LDLRAD4: variants seen among roughly 807,000 people sequenced by gnomAD.
LDLRAD4 encodes the protein low density lipoprotein receptor class A domain containing 4.
LDLRAD4 carries 5 observed loss-of-function variants against 17.0 expected under a neutral mutation model. The observed-to-expected ratio is 0.29, with a 90% CI of 0.15 to 0.62. The LOEUF is 0.62. LDLRAD4 is among the 20% of genes least tolerant of loss of function. The pLI is 0.84. For missense variants in LDLRAD4, 340 were observed against 424.7 expected (o/e 0.80, Z 1.75); for synonymous variants, 168 against 171.8 (o/e 0.98, Z 0.17).
intron 3 of LDLRAD4, among the ~76,000 whole-genome samples, chr18:13,579,453 C>T (rs2094825312): frequency 6.6e-6 from 1 of 152,206 alleles, no homozygotes; most frequent in Non-Finnish European, 1.5e-5. Flanking sequence ...TGAGCCAAAG[C>T]TCTCCAGTCT....
chr18:13,428,558 A>G (rs1600200248), intron 2 of LDLRAD4, among the ~76,000 whole-genome samples: 1 of 152,208 alleles, frequency 6.6e-6, no homozygotes, highest in African/African-American at 2.4e-5. Context: ...CAGCAGGAAC[A>G]TCCTGACTGC....
chr18:13,342,488 T>A (rs1479030873), intron 1 of LDLRAD4, among the ~76,000 whole-genome samples: 9 of 146,602 alleles, frequency 6.1e-5, no homozygotes, highest in African/African-American at 2.0e-4. Flanking sequence ...TTTTTTTTTT[T>A]TTTTTTTTTT....
At chr18:13,392,030 C>A (rs1406903424) in intron 2 of LDLRAD4, among the ~76,000 whole-genome samples, 4 of 152,180 alleles carry the variant, frequency 2.6e-5, no homozygotes, top group Non-Finnish European at 5.9e-5. Context: ...TTGATTATTT[C>A]CTTAGGATAA....
intron 1 of LDLRAD4, among the ~76,000 whole-genome samples, chr18:13,377,927 A>G (rs533486890): frequency 2.0e-5 from 3 of 152,344 alleles, no homozygotes; most frequent in African/African-American, 7.2e-5. Flanking sequence ...GAAAAATTAT[A>G]TAAAGTGGAC....
rs575913797 is a variant in LDLRAD4, at chr18:13,340,808, C to G, written c.-382-46533C>G. Among the ~76,000 whole-genome samples the G allele has an allele frequency of 2.6e-5, 4 of 152,122 alleles. No individual in the cohort carries two copies. The South Asian group carries it at 6.2e-4, about 24-fold the overall frequency. ...CATATCAAAGAAATTGTTGCCATAT[C>G]CAATGTCATAAAGCTTTTCCCCTTT... On this transcript the variant is annotated intron_variant, in intron 1 of 5. Coordinates refer to ENST00000359446, the Ensembl canonical transcript of LDLRAD4.
chr18:13,377,117 C>T (rs2084970728), intron 1 of LDLRAD4, among the ~76,000 whole-genome samples: 1 of 152,194 alleles, frequency 6.6e-6, no homozygotes, highest in Admixed American at 6.5e-5. Context: ...TGTGCCGGGC[C>T]CCGCAGGTGG....
chr18:13,443,989 A>G (rs1415548250), intron 3 of LDLRAD4, among the ~76,000 whole-genome samples: 1 of 152,230 alleles, frequency 6.6e-6, no homozygotes, highest in African/African-American at 2.4e-5. Flanking sequence ...ACCGTCAGGC[A>G]TTTGGGGTTG....
intron 1 of LDLRAD4, among the ~76,000 whole-genome samples, chr18:13,337,307 G>C (rs2082149022): frequency 6.6e-6 from 1 of 152,132 alleles, no homozygotes; most frequent in Non-Finnish European, 1.5e-5. Context: ...GATGGTGCTT[G>C]GGATCTTTCA....
intron 1 of LDLRAD4, among the ~76,000 whole-genome samples, chr18:13,355,975 G>A (rs763307134): frequency 3.9e-5 from 6 of 152,208 alleles, no homozygotes; most frequent in African/African-American, 1.4e-4. Flanking sequence ...GCCTGAGATC[G>A]CAATCCAGTT....
At chr18:13,246,611 C>CGGTATTGGA (rs1598880110) in intron 1 of LDLRAD4, among the ~76,000 whole-genome samples, 1 of 152,276 alleles carries the variant, frequency 6.6e-6, no homozygotes, top group East Asian at 1.9e-4. Flanking sequence ...TGGCTGCAGT[C>CGGTATTGGA]GGTATTGGAG....
At chr18:13,639,376 T>C (rs1202726254) in intron 4 of LDLRAD4, among the ~76,000 whole-genome samples, 1 of 152,234 alleles carries the variant, frequency 6.6e-6, no homozygotes, top group Admixed American at 6.5e-5. Flanking sequence ...ACAAGCCCCT[T>C]GGAGGACACC....
intron 4 of LDLRAD4, 32 bp from the exon 6 acceptor site, chr18:13,643,326 TC>T: frequency 8.5e-6 from 12 of 1,408,016 alleles, no homozygotes; most frequent in South Asian, 2.7e-5. Context: ...TGTTTCTTGT[TC>T]CCCCCACTCT....
intron 1 of LDLRAD4, among the ~76,000 whole-genome samples, chr18:13,231,522 C>A (rs1254000072): frequency 6.6e-6 from 1 of 152,178 alleles, no homozygotes; most frequent in Non-Finnish European, 1.5e-5. Context: ...AAAACAAGCC[C>A]ATTAGAACAC....
At chr18:13,531,946 G>A (rs1030690381) in intron 3 of LDLRAD4, among the ~76,000 whole-genome samples, 2 of 152,172 alleles carry the variant, frequency 1.3e-5, no homozygotes, top group Non-Finnish European at 2.9e-5. Flanking sequence ...TCCCATGCCA[G>A]TGGCTGTTTG....
rs539059137 is a variant in LDLRAD4 at position 13,349,057 on chromosome 18, G to A, written c.-382-38284G>A. 6.0e-4 allele frequency among the ~76,000 whole-genome samples: 91 copies of A among 152,270 alleles called. 2 individuals carry two copies. In the East Asian group the frequency reaches 0.012, roughly 20 times the overall value. ...GATGCCTCGCCCTGCTTTGGCTCACGCTCGGTGCGCTGCCCCCACTGTCCT... is the reference window on the plus strand; with the variant it reads ...GATGCCTCGCCCTGCTTTGGCTCACACTCGGTGCGCTGCCCCCACTGTCCT... On this transcript the variant is annotated intron_variant, in intron 1 of 5. Coordinates refer to ENST00000359446, the Ensembl canonical transcript of LDLRAD4.
chr18:13,526,036 C>T (rs927459978), intron 3 of LDLRAD4: 4 of 152,054 alleles, frequency 2.6e-5, no homozygotes, highest in Non-Finnish European at 5.9e-5. Context: ...GACTCAGTCG[C>T]GATTTGGGAA....
intron 3 of LDLRAD4, chr18:13,520,329 T>G (rs1204914900): frequency 1.3e-5 from 2 of 152,222 alleles, no homozygotes; most frequent in Non-Finnish European, 2.9e-5. Context: ...CAGTGGGGTA[T>G]AGAATAACCA....
chr18:13,558,111 A>C (rs939373387), intron 3 of LDLRAD4, among the ~76,000 whole-genome samples: 2 of 152,196 alleles, frequency 1.3e-5, no homozygotes, highest in Non-Finnish European at 2.9e-5. Context: ...ACCATTGCCA[A>C]ATTTATCTTC....
chr18:13,296,822 C>T (rs910176082), intron 1 of LDLRAD4, among the ~76,000 whole-genome samples: 1 of 152,172 alleles, frequency 6.6e-6, no homozygotes, highest in Non-Finnish European at 1.5e-5. Flanking sequence ...TCTTTTCAGC[C>T]TTTAAAAATT....
Sources: gnomAD v4.1 joint callset for allele counts (sites outside exome capture counted in the v4.1 genomes callset) on GRCh38, gnomAD v4.1.1 for gene constraint, MANE v1.5 for transcripts, NCBI Gene and HGNC (gene_info 2026-07-23, HGNC 2026-07-21) for gene names.